Variants in MAGI3 observed in about 807,000 individuals in gnomAD.
MAGI3 encodes membrane-associated guanylate kinase, WW and PDZ domain-containing protein 3.
MAGI3 carries 43 observed loss-of-function variants against 121.8 expected under a neutral mutation model. The ratio of observed to expected loss-of-function variants is 0.35; its 90% CI spans 0.28 to 0.46. MAGI3 has a LOEUF of 0.46. Ranked by LOEUF, MAGI3 falls within the 20% of genes least tolerant of loss-of-function variation. The probability of loss-of-function intolerance (pLI) is 1.00; values close to 1 mark genes in which losing one functional copy is unlikely to be tolerated. For missense variants in MAGI3, 1,547 were observed against 1,797.3 expected (o/e 0.86, Z 2.52); for synonymous variants, 553 against 639.3 (o/e 0.86, Z 2.04).
rs1650789554 is a variant in MAGI3, at chr1:113,391,239, A to T, written c.206A>T (p.Asp69Val). The T allele has an allele frequency of 6.4e-7, 1 of 1,569,854 alleles. No homozygotes were observed. Among genetic ancestry groups the T allele is most frequent in the Admixed American group, 1.9e-5 (1 of 53,696 alleles). The change falls in exon 1 of 21, where the codon GAT (aspartate) becomes GTT (valine). Residue 69 changes from aspartate (D) to valine (V), a missense_variant. Transcript: ENST00000307546. The surrounding 1 kb of genome is among the most constrained non-coding windows in gnomAD (Gnocchi z 4.4). ...VVSGKAPSPG[D>V]VLLEVNGTPV... is the part of the protein sequence containing the mutation. ...TCGGGCAAGGCGCCCAGCCCAGGCG[A>T]TGTGCTGCTGGAGGTAAACGGGACG...
chr1:113,598,803 A>T (rs182964582), intron 6 of MAGI3, among the ~76,000 whole-genome samples: 1 of 152,158 alleles, frequency 6.6e-6, no homozygotes, highest in Non-Finnish European at 1.5e-5. Flanking sequence ...GACTTAAACT[A>T]CACTCTAGAA....
intron 1 of MAGI3, among the ~76,000 whole-genome samples, chr1:113,409,586 T>A (rs1010504922): frequency 6.6e-6 from 1 of 152,120 alleles, no homozygotes; most frequent in African/African-American, 2.4e-5. Flanking sequence ...AGTGCTCCAG[T>A]GAGTCATGTT....
chr1:113,462,634 A>G (rs1405257800), intron 1 of MAGI3, among the ~76,000 whole-genome samples: 3 of 152,106 alleles, frequency 2.0e-5, no homozygotes, highest in African/African-American at 4.8e-5. Context: ...ATGAGATAAT[A>G]TGTACAACAG....
At chr1:113,395,066 A>G (rs965982773) in intron 1 of MAGI3, among the ~76,000 whole-genome samples, 1 of 82,404 alleles carries the variant, frequency 1.2e-5, no homozygotes, top group Non-Finnish European at 2.7e-5. Flanking sequence ...TGCCTTTCTT[A>G]TCTCTTGAAT....
intron 1 of MAGI3, among the ~76,000 whole-genome samples, chr1:113,444,932 G>A (rs1654097592): frequency 6.6e-6 from 1 of 152,050 alleles, no homozygotes; most frequent in South Asian, 2.1e-4. Context: ...AAGAAATTCT[G>A]GAGCTAGAAA....
chr1:113,400,605 TATTA>T (rs1651350651), intron 1 of MAGI3, among the ~76,000 whole-genome samples: 1 of 152,192 alleles, frequency 6.6e-6, no homozygotes, highest in East Asian at 1.9e-4. Context: ...AGTTCTCCAA[TATTA>T]ATTCCATATA....
intron 6 of MAGI3, among the ~76,000 whole-genome samples, chr1:113,600,171 G>A (rs749690290): frequency 7.4e-4 from 112 of 152,188 alleles, no homozygotes; most frequent in Non-Finnish European, 7.8e-4. Context: ...CAAGACAGGG[G>A]TGCCCTCTCT....
chr1:113,532,488 C>T lies in MAGI3; in HGVS notation c.317-17027C>T, dbSNP rs867126006. On this transcript the variant is annotated intron_variant, in intron 1 of 20. Transcript: ENST00000307546. ...AAAGTGTAAAGACAGAGCATAGCCA[C>T]TCATAATCTTATCACTAACAGCTTT... Among the ~76,000 whole-genome samples, 8 of 152,070 alleles carry T rather than the reference C, an allele frequency of 5.3e-5. No homozygotes were observed. In the South Asian group the frequency reaches 1.7e-3, roughly 32 times the overall value.
chr1:113,550,874 C>T (rs753820668), intron 2 of MAGI3, among the ~76,000 whole-genome samples: 23 of 150,540 alleles, frequency 1.5e-4, no homozygotes, highest in Non-Finnish European at 2.4e-4. Flanking sequence ...GACTTTTTAG[C>T]TCCCAGTGCC....
At chr1:113,434,018 A>G (rs543559055) in intron 1 of MAGI3, among the ~76,000 whole-genome samples, 4 of 152,268 alleles carry the variant, frequency 2.6e-5, no homozygotes, top group African/African-American at 7.2e-5. Flanking sequence ...AAATGGGAGC[A>G]TGTGCCTGTT....
chr1:113,485,734 T>C (rs1656352101), intron 1 of MAGI3, among the ~76,000 whole-genome samples: 1 of 152,236 alleles, frequency 6.6e-6, no homozygotes, highest in Non-Finnish European at 1.5e-5. Context: ...ATGAAGTCTT[T>C]GCTTAAGCCA....
At chr1:113,482,679 A>T (rs1656169056) in intron 1 of MAGI3, among the ~76,000 whole-genome samples, 3 of 136,394 alleles carry the variant, frequency 2.2e-5, no homozygotes, top group South Asian at 4.5e-4. Context: ...ACCACTGGAG[A>T]TCTTATTTTC....
intron 1 of MAGI3, chr1:113,450,106 C>T (rs758887128): frequency 7.0e-5 from 102 of 1,454,796 alleles, no homozygotes; most frequent in Middle Eastern, 3.7e-4. Flanking sequence ...ATAGAAGTTA[C>T]GGAAGACAGG....
intron 2 of MAGI3, among the ~76,000 whole-genome samples, chr1:113,564,630 G>A (rs1660365317): frequency 6.6e-6 from 1 of 152,086 alleles, no homozygotes; most frequent in South Asian, 2.1e-4. Context: ...AGCACTTTGG[G>A]AGGCTGAGGC....
chr1:113,616,813 G>A (rs114219971), intron 7 of MAGI3, among the ~76,000 whole-genome samples: 2,511 of 151,862 alleles, frequency 0.017, 80 homozygotes, highest in African/African-American at 0.057. Flanking sequence ...TTAGATCAGG[G>A]TGATAAGCAT....
chr1:113,398,590 G>C (rs930487156), intron 1 of MAGI3, among the ~76,000 whole-genome samples: 3 of 152,002 alleles, frequency 2.0e-5, no homozygotes, highest in Non-Finnish European at 2.9e-5. Flanking sequence ...AGGCAAGCCT[G>C]TATCTCGTTG....
intron 1 of MAGI3, among the ~76,000 whole-genome samples, chr1:113,452,505 C>G (rs1000050439): frequency 2.0e-5 from 3 of 151,032 alleles, no homozygotes; most frequent in Middle Eastern, 3.2e-3. Context: ...CCTCATTGTT[C>G]CCTTAAATTT....
At chr1:113,592,682 CT>C (rs1207091289) in intron 5 of MAGI3, among the ~76,000 whole-genome samples, 1 of 152,000 alleles carries the variant, frequency 6.6e-6, no homozygotes, top group African/African-American at 2.4e-5. Flanking sequence ...GATAATCTCA[CT>C]TTTTTCTACA....
intron 9 of MAGI3, among the ~76,000 whole-genome samples, chr1:113,624,253 T>A (rs1174144531): frequency 6.6e-6 from 1 of 152,244 alleles, no homozygotes; most frequent in Non-Finnish European, 1.5e-5. Flanking sequence ...GTATGGTATC[T>A]CTATTTTTAG....
Sources: allele counts gnomAD v4.1 joint callset (sites outside exome capture counted in the v4.1 genomes callset), GRCh38; gene constraint gnomAD v4.1.1; non-coding constraint Gnocchi (gnomAD v3.1); transcripts MANE v1.5; gene names NCBI Gene and HGNC (gene_info 2026-07-23, HGNC 2026-07-21).